The following NBR1 variants were observed in gnomAD, a reference collection of about 807,000 sequenced individuals.
NBR1 encodes the protein NBR1 autophagy cargo receptor, also known as next to BRCA1 gene 1 protein.
In NBR1, 59 loss-of-function variants were observed where a neutral mutation model predicts 115.5. The observed-to-expected ratio is 0.51, with a 90% CI of 0.41 to 0.63. The LOEUF is 0.63. Ranked by LOEUF, NBR1 falls within the 30% of genes least tolerant of loss-of-function variation. The probability of loss-of-function intolerance (pLI) is 0.00; values close to 1 mark genes in which losing one functional copy is unlikely to be tolerated. For missense variants in NBR1, 1,043 were observed against 1,150.5 expected (o/e 0.91, Z 1.35); for synonymous variants, 373 against 414.7 (o/e 0.90, Z 1.22).
At chr17:43,178,085 G>A (rs1417450368) in intron 3 of NBR1, 87 bp downstream of exon 3, 2 of 1,441,388 alleles carry the variant, frequency 1.4e-6, no homozygotes, top group East Asian at 2.5e-5. Context: ...ATTCAAAATA[G>A]TGTTTAGCTT....
chr17:43,187,867 G>A (rs953304932), intron 6 of NBR1, among the ~76,000 whole-genome samples: 8 of 148,628 alleles, frequency 5.4e-5, no homozygotes, highest in African/African-American at 1.7e-4. Context: ...ATCTCATTGC[G>A]GTTTTGATTT....
intron 6 of NBR1, among the ~76,000 whole-genome samples, chr17:43,186,694 C>T (rs939747137): frequency 2.0e-5 from 3 of 151,918 alleles, no homozygotes; most frequent in Non-Finnish European, 4.4e-5. Context: ...GACAGGCCCC[C>T]GTGTGTGATG....
intron 16 of NBR1, among the ~76,000 whole-genome samples, chr17:43,199,107 A>G (rs2057136020): frequency 6.8e-6 from 1 of 146,730 alleles, no homozygotes; most frequent in Non-Finnish European, 1.5e-5. Flanking sequence ...TTTTTTTGAG[A>G]TAAGGTCTCA....
At chr17:43,178,326 G>A (rs1039403715) in intron 3 of NBR1, among the ~76,000 whole-genome samples, 13 of 148,888 alleles carry the variant, frequency 8.7e-5, no homozygotes, top group Non-Finnish European at 1.3e-4. Flanking sequence ...GGGATTATAG[G>A]TGTGAGACAC....
intron 2 of NBR1, chr17:43,176,171 A>G: frequency 3.0e-6 from 1 of 333,880 alleles, no homozygotes; most frequent in Non-Finnish European, 5.5e-6. Flanking sequence ...AAACCTATTA[A>G]TTTTAGAACC....
intron 2 of NBR1, among the ~76,000 whole-genome samples, chr17:43,177,572 A>AACACACACACACACACACACACAC (rs60320098): frequency 2.7e-4 from 36 of 131,324 alleles, no homozygotes; most frequent in African/African-American, 1.0e-3. Flanking sequence ...CCCCACCCAA[A>AACACACACACACACACACACACAC]ACACACACAC....
intron 20 of NBR1, among the ~76,000 whole-genome samples, chr17:43,208,899 T>C (rs2057365161): frequency 6.6e-6 from 1 of 152,012 alleles, no homozygotes; most frequent in African/African-American, 2.4e-5. Flanking sequence ...CCCAGGAGGT[T>C]GAGGCTGCAA....
intron 10 of NBR1, 26 bp from the exon 11 acceptor site, chr17:43,193,068 G>C (rs1233479387): frequency 6.2e-7 from 1 of 1,609,716 alleles, no homozygotes; most frequent in African/African-American, 1.3e-5. Context: ...AACAGCAAGT[G>C]ACTAAGCATC....
intron 20 of NBR1, among the ~76,000 whole-genome samples, chr17:43,206,749 AGAT>A (rs1482374631): frequency 1.3e-5 from 2 of 151,852 alleles, no homozygotes; most frequent in South Asian, 2.1e-4. Flanking sequence ...CATAACTTTG[AGAT>A]GATGATTAAG....
rs1246997903 is a variant in NBR1 at position 43,190,639 on chromosome 17, T to C, written c.726T>C (p.Asp242=). ...SLCPSYNICE[D]CEAGPYGHDT... is the part of the protein sequence containing the mutation. ...GCCCATCCTACAATATCTGTGAAGA[T>C]TGTGAAGCAGGGCCATATGGCCATG... The change falls in exon 9 of 21, where the codon GAT becomes GAC. Residue 242 remains aspartate, a synonymous_variant. Coordinates refer to ENST00000590996, the MANE Select transcript of NBR1 (RefSeq NM_005899.5). 5 of 1,602,276 alleles carry C rather than the reference T, an allele frequency of 3.1e-6. No homozygotes were observed. The African/African-American group carries it at 5.3e-5, about 17-fold the overall frequency.
At chr17:43,197,810 A>G (rs1480083181) in intron 16 of NBR1, among the ~76,000 whole-genome samples, 1 of 152,158 alleles carries the variant, frequency 6.6e-6, no homozygotes, top group Non-Finnish European at 1.5e-5. Context: ...CAGTGGATAG[A>G]AGCAGGAGTA....
Position 43,194,384 on chromosome 17 carries a change from T to C in NBR1, c.1559T>C (p.Leu520Pro), listed in dbSNP as rs1309000231. The C allele has an allele frequency of 6.2e-7, 1 of 1,613,732 alleles. No individual in the cohort carries two copies. The highest frequency in any genetic ancestry group is 2.2e-5 in the East Asian group (1 of 44,884). Residue 520 changes from leucine (L) to proline (P), a missense_variant, in exon 13 of 21, where the codon CTT (leucine) becomes CCT (proline). Physicochemically the swap from Leu to Pro is moderately conservative, Grantham distance 98 (BLOSUM62 -3). Transcript: ENST00000590996. ...CTTCTGGCTAAAGAAGAAAGACAGC[T>C]TGGTGAAGTGACTGAGCAGACAGAA... is the stretch of plus-strand genomic sequence containing the variant. Reference protein sequence around the residue: ...TFLLAKEERQLGEVTEQTEGT... With the variant: ...TFLLAKEERQPGEVTEQTEGT...
chr17:43,204,918 G>A (rs2057284522), intron 20 of NBR1, among the ~76,000 whole-genome samples: 1 of 151,842 alleles, frequency 6.6e-6, no homozygotes, highest in African/African-American at 2.4e-5. Context: ...GGCTGCCGTA[G>A]TGAGCCACAA....
In NBR1 at chr17:43,195,035, T is replaced by C; in HGVS notation, c.1746T>C (p.Pro582=). ...TGGAGAGAGTGCCCCACAACACCCC[T>C]GTGGGTAAGAATGTCACTCATTTCA... ...QELERVPHNT[P]VDVTPCMSPL... The change falls in exon 14 of 21, where the codon CCT becomes CCC. Residue 582 remains proline (P), a synonymous_variant. Coordinates refer to ENST00000590996, the MANE Select transcript of NBR1 (RefSeq NM_005899.5). 2 of 1,612,806 alleles carry C rather than the reference T, an allele frequency of 1.2e-6. No individual in the cohort carries two copies. The highest frequency in any genetic ancestry group is 2.2e-5 in the East Asian group (1 of 44,860).
At chr17:43,175,646 C>T in intron 1 of NBR1, 145 bp from the exon 2 acceptor site, 1 of 454,076 alleles carries the variant, frequency 2.2e-6, no homozygotes, top group Non-Finnish European at 3.8e-6. Context: ...AGAACAGGGA[C>T]AGTGTTTCTT....
chr17:43,210,570 G>A lies in NBR1; in HGVS notation c.*496G>A. 2 of 398,476 alleles carry A rather than the reference G, an allele frequency of 5.0e-6. No individual in the cohort carries two copies. Among genetic ancestry groups the A allele is most frequent in the Non-Finnish European group, 8.8e-6 (2 of 226,040 alleles). The allele number at this position is 398,476 out of a possible 1,614,324, so 24.7% of individuals were successfully genotyped here. ...ATTTGGCATTGAAATAACACCCAGA[G>A]CATGATAGAAATGTTGTTACTCTTC... On this transcript the variant is annotated 3_prime_UTR_variant, in exon 21 of 21. Transcript: ENST00000590996.
chr17:43,204,642 C>CTTGTAAAAAGGTAA (rs1440351534), intron 20 of NBR1, among the ~76,000 whole-genome samples: 1 of 151,772 alleles, frequency 6.6e-6, no homozygotes, highest in African/African-American at 2.4e-5. Flanking sequence ...TGGTGAAACC[C>CTTGTAAAAAGGTAA]TGTCTCTACT....
At chr17:43,191,309 C>A in intron 9 of NBR1, 63 bp from the exon 10 acceptor site, 3 of 1,232,586 alleles carry the variant, frequency 2.4e-6, no homozygotes, top group East Asian at 2.4e-5. Context: ...TTGCAATTGG[C>A]TCCACATAGC....
chr17:43,173,488 A>G (rs1449775245), intron 1 of NBR1, among the ~76,000 whole-genome samples: 1 of 152,054 alleles, frequency 6.6e-6, no homozygotes, highest in African/African-American at 2.4e-5. Context: ...AGGTTTCACC[A>G]TGTTGGCTAG....
Sources: allele counts gnomAD v4.1 joint callset (sites outside exome capture counted in the v4.1 genomes callset), GRCh38; gene constraint gnomAD v4.1.1; transcripts MANE v1.5; gene names NCBI Gene and HGNC (gene_info 2026-07-23, HGNC 2026-07-21).